AGAP4: variants seen among roughly 807,000 people sequenced by gnomAD.
The protein encoded by AGAP4 is arf-GAP with GTPase, ANK repeat and PH domain-containing protein 4.
Under a neutral mutation model 60.7 loss-of-function variants are expected in AGAP4, and 13 were observed. The observed-to-expected ratio is 0.21, with a 90% CI of 0.14 to 0.34. AGAP4 has a LOEUF of 0.34. Among genes scored for constraint, AGAP4 ranks in the 10% least tolerant of loss-of-function variants. AGAP4 has a pLI of 1.00. For synonymous variants in AGAP4, 70 were observed against 339.0 expected, an observed-to-expected ratio of 0.21 and a Z score of 8.72; for missense variants, 169 against 884.0, an observed-to-expected ratio of 0.19 and a Z score of 10.26.
chr10:45,837,582 G>T (rs1183628218), intron 4 of AGAP4, among the ~76,000 whole-genome samples: 2 of 151,584 alleles, frequency 1.3e-5, no homozygotes, highest in Non-Finnish European at 2.9e-5. Flanking sequence ...ATAGCCAACT[G>T]ATTTTCAACA....
Position 45,826,563 on chromosome 10 carries a change from T to C in AGAP4, c.1413A>G (p.Gln471=), listed in dbSNP as rs782550307. The change falls in exon 8 of 8, where the codon CAA becomes CAG. Residue 471 remains glutamine, a synonymous_variant. Transcript: ENST00000616763. The part of the protein sequence containing the change: ...QSKAMALQSI[Q]NMRGNAHCVD... ...CACAGTGGGCGTTCCCACGCATGTT[T>C]TGGATCGACTGCAGGGCCATGGCCT... 8.3e-6 allele frequency: 13 copies of C among 1,562,430 alleles called. 2 individuals carry two copies. Among genetic ancestry groups the C allele is most frequent in the East Asian group, 6.9e-5 (3 of 43,548 alleles).
At chr10:45,847,589 G>A, upstream of AGAP4, 7 of 1,428,228 alleles carry the variant, frequency 4.9e-6, no homozygotes, top group South Asian at 8.9e-5. Flanking sequence ...TGTCTGGGAG[G>A]GTGAAGACCA....
rs537062988 is a variant in AGAP4, at chr10:45,844,964, G to C, written c.293-570C>G. ...CAACACATAGGGAGAACATACACAG[G>C]CCTTATTTGTATTGGAAAGGGCCAA... is the stretch of plus-strand genomic sequence containing the variant. On this transcript the variant is annotated intron_variant, in intron 2 of 7. Coordinates refer to ENST00000616763, the MANE Select transcript of AGAP4 (RefSeq NM_001276343.3). Among the ~76,000 whole-genome samples the C allele has an allele frequency of 1.6e-4, 18 of 114,900 alleles. 3 individuals carry two copies. The highest frequency in any genetic ancestry group is 1.2e-3 in the Admixed American group (15 of 12,016). 75.4% of individuals were successfully genotyped at this position (114,900 alleles called of 152,430 possible). A position where few individuals can be genotyped will look rare whatever the true frequency, so the allele number is the denominator to read the frequency against.
At chr10:45,848,484 G>T (rs1435017356), upstream of AGAP4, among the ~76,000 whole-genome samples, 5 of 149,518 alleles carry the variant, frequency 3.3e-5, no homozygotes, top group African/African-American at 5.0e-5. Flanking sequence ...TCGACATCTG[G>T]CAAGTAGTGT....
chr10:45,851,342 C>A (rs1482965203), upstream of AGAP4, among the ~76,000 whole-genome samples: 2 of 151,962 alleles, frequency 1.3e-5, no homozygotes, highest in African/African-American at 2.4e-5. Flanking sequence ...GGAGATGATG[C>A]CTTCTTTTCA....
upstream of AGAP4, among the ~76,000 whole-genome samples, chr10:45,849,566 T>A (rs1335919236): frequency 6.6e-6 from 1 of 151,190 alleles, no homozygotes; most frequent in African/African-American, 2.4e-5. Flanking sequence ...TCAGATTGTG[T>A]CTTGTAGATG....
intron 1 of AGAP4, among the ~76,000 whole-genome samples, chr10:45,853,142 A>G (rs1207943110): frequency 6.6e-6 from 1 of 150,708 alleles, no homozygotes; most frequent in African/African-American, 2.4e-5. Context: ...GTTTAGAGGT[A>G]AGAAACATTT....
In AGAP4 at chr10:45,840,154, T is replaced by C. The variant is rs1623424; in HGVS notation, c.396+1499A>G. ...TTCAGAACCTTAGAGAGAGAGATTC[T>C]AAAAAGCTTCCGCAGATAACTAAAA... On this transcript the variant is annotated intron_variant, in intron 4 of 7. Coordinates refer to ENST00000616763, the MANE Select transcript of AGAP4 (RefSeq NM_001276343.3). Among the ~76,000 whole-genome samples, 13 of 148,152 alleles carry C rather than the reference T, an allele frequency of 8.8e-5. 1 individual carries two copies. Among genetic ancestry groups the C allele is most frequent in the Admixed American group, 2.0e-4 (3 of 14,934 alleles).
At chr10:45,854,633 C>CAAAAAAA (rs1159986731), upstream of AGAP4, 13 of 66,240 alleles carry the variant, frequency 2.0e-4, no homozygotes, top group Admixed American at 6.7e-4. Context: ...GACTCCCTCT[C>CAAAAAAA]AAAAAAAAAA....
At chr10:45,829,232 A>G (rs1355775691) in intron 6 of AGAP4, among the ~76,000 whole-genome samples, 1 of 119,236 alleles carries the variant, frequency 8.4e-6, no homozygotes, top group Non-Finnish European at 1.7e-5. Context: ...CATAGCCTGA[A>G]TTTCTTAAGA....
chr10:45,831,945 T>G (rs1485130113), intron 5 of AGAP4, among the ~76,000 whole-genome samples: 1 of 147,230 alleles, frequency 6.8e-6, no homozygotes, highest in Non-Finnish European at 1.5e-5. Context: ...GTTTCGCTCT[T>G]GTTGCCCAGG....
intron 6 of AGAP4, among the ~76,000 whole-genome samples, chr10:45,829,860 A>G (rs1229748540): frequency 6.6e-6 from 1 of 150,520 alleles, no homozygotes; most frequent in Non-Finnish European, 1.5e-5. Context: ...AAGGCGTGTT[A>G]AAGAAAGATT....
At chr10:45,844,761 GA>G (rs2058974792) in intron 2 of AGAP4, among the ~76,000 whole-genome samples, 1 of 147,102 alleles carries the variant, frequency 6.8e-6, no homozygotes, top group Non-Finnish European at 1.5e-5. Flanking sequence ...AGTTTTAAAA[GA>G]CAGGTCTATT....
chr10:45,829,813 TC>T (rs1554896838), intron 6 of AGAP4, among the ~76,000 whole-genome samples: 2 of 150,770 alleles, frequency 1.3e-5, no homozygotes, highest in Non-Finnish European at 3.0e-5. Flanking sequence ...AAAAACTTGT[TC>T]CTTCTACTGT....
At chr10:45,850,480 C>G (rs1306146048), upstream of AGAP4, among the ~76,000 whole-genome samples, 1 of 151,912 alleles carries the variant, frequency 6.6e-6, no homozygotes, top group African/African-American at 2.4e-5. Flanking sequence ...TAATTTTATT[C>G]TGGGAATTTC....
chr10:45,850,725 CAG>C (rs2135976204), upstream of AGAP4, among the ~76,000 whole-genome samples: 1 of 152,248 alleles, frequency 6.6e-6, no homozygotes, highest in South Asian at 2.1e-4. Flanking sequence ...AGAAGGAAAA[CAG>C]AGCTGCTCAG....
At chr10:45,846,226 C>A (rs1163710932) in intron 2 of AGAP4, among the ~76,000 whole-genome samples, 2 of 151,366 alleles carry the variant, frequency 1.3e-5, no homozygotes, top group Non-Finnish European at 2.9e-5. Flanking sequence ...TTTGAGAAAC[C>A]CCAAACACAC....
upstream of AGAP4, among the ~76,000 whole-genome samples, chr10:45,849,373 CATG>C (rs1420608938): frequency 6.6e-6 from 1 of 151,574 alleles, no homozygotes; most frequent in African/African-American, 2.4e-5. Context: ...GATTATAATT[CATG>C]ATGAGATTTG....
At chr10:45,844,486 C>A in intron 2 of AGAP4, 92 bp from the exon 3 acceptor site, 3 of 1,569,318 alleles carry the variant, frequency 1.9e-6, no homozygotes, top group Non-Finnish European at 2.6e-6. Flanking sequence ...TAGGCTATTT[C>A]ACTATCTCTA....
Sources: gnomAD v4.1 joint callset for allele counts (sites outside exome capture counted in the v4.1 genomes callset) on GRCh38, gnomAD v4.1.1 for gene constraint, MANE v1.5 for transcripts, NCBI Gene and HGNC (gene_info 2026-07-23, HGNC 2026-07-21) for gene names.